Variants in STYXL1 observed in about 807,000 individuals in gnomAD.
The protein encoded by STYXL1 is serine/threonine/tyrosine interacting like 1.
STYXL1 carries 32 observed loss-of-function variants against 36.4 expected under a neutral mutation model. That is an observed-to-expected ratio of 0.88 (90% CI 0.66 to 1.18). The LOEUF (loss-of-function observed/expected upper bound fraction) is 1.18, where lower values mean the gene tolerates loss of function less well. Ranked by LOEUF, STYXL1 falls within the 50% of genes most tolerant of loss-of-function variation. The pLI, the probability that STYXL1 is intolerant of heterozygous loss-of-function variation, is 0.00. For missense variants in STYXL1, 354 were observed against 394.1 expected, an observed-to-expected ratio of 0.90 and a Z score of 0.86; for synonymous variants, 133 against 144.1, an observed-to-expected ratio of 0.92 and a Z score of 0.55.
At chr7:76,024,755 C>T (rs1794474275) in intron 3 of STYXL1, among the ~76,000 whole-genome samples, 1 of 151,960 alleles carries the variant, frequency 6.6e-6, no homozygotes, top group Admixed American at 6.6e-5. Flanking sequence ...TTGAGACCAG[C>T]CTGACCAATA....
At chr7:76,041,967 G>A (rs1796511860) in intron 1 of STYXL1, among the ~76,000 whole-genome samples, 1 of 152,208 alleles carries the variant, frequency 6.6e-6, no homozygotes, top group Non-Finnish European at 1.5e-5. Context: ...GAACACTTGA[G>A]ACCTATATAC....
At chr7:76,038,508 C>G (rs1796158756) in intron 1 of STYXL1, among the ~76,000 whole-genome samples, 1 of 150,750 alleles carries the variant, frequency 6.6e-6, no homozygotes. Flanking sequence ...TCACTGCGAG[C>G]TCTGCCTCCT....
At chr7:76,011,407 C>A (rs1331130823) in intron 5 of STYXL1, among the ~76,000 whole-genome samples, 2 of 152,200 alleles carry the variant, frequency 1.3e-5, no homozygotes, top group Admixed American at 6.5e-5. Flanking sequence ...ATAACCATAA[C>A]AATGTCACTA....
At chr7:76,018,946 T>G (rs145704775) in intron 4 of STYXL1, among the ~76,000 whole-genome samples, 5 of 152,222 alleles carry the variant, frequency 3.3e-5, no homozygotes, top group Non-Finnish European at 5.9e-5. Context: ...GTTCGCAGTG[T>G]ATGAGGCTTC....
At chr7:76,011,279 C>T (rs1237201074) in intron 5 of STYXL1, among the ~76,000 whole-genome samples, 1 of 152,172 alleles carries the variant, frequency 6.6e-6, no homozygotes, top group Non-Finnish European at 1.5e-5. Context: ...TTCCTCTATA[C>T]CCTCACTGCC....
chr7:76,025,891 T>C (rs1794644220), intron 3 of STYXL1, among the ~76,000 whole-genome samples: 1 of 151,678 alleles, frequency 6.6e-6, no homozygotes, highest in South Asian at 2.1e-4. Context: ...TTGAGTTATG[T>C]GCAGAAAAAG....
Position 76,035,522 on chromosome 7 carries a change from T to A in STYXL1, c.-4-4995A>T, listed in dbSNP as rs1795828317. 6.0e-5 allele frequency among the ~76,000 whole-genome samples: 9 copies of A among 149,924 alleles called. 3 individuals carry two copies. In the South Asian group the frequency reaches 2.0e-3, roughly 33 times the overall value. ...ATTATTGTCAGTTACCATTATGGCC[T>A]TTCCCAACACCGCCATCTGGACCTG... On this transcript the variant is annotated intron_variant, in intron 1 of 8. Transcript: ENST00000359697.
intron 1 of STYXL1, among the ~76,000 whole-genome samples, chr7:76,034,279 A>T (rs1206746344): frequency 6.7e-6 from 1 of 148,268 alleles, no homozygotes; most frequent in African/African-American, 2.4e-5. Context: ...ATTTTTTTTT[A>T]AGAGATGGGG....
chr7:76,035,299 G>A (rs546494300), intron 1 of STYXL1, among the ~76,000 whole-genome samples: 5 of 152,120 alleles, frequency 3.3e-5, no homozygotes, highest in Admixed American at 1.3e-4. Flanking sequence ...ATAATAGTCC[G>A]GGAAATCTTT....
intron 1 of STYXL1, among the ~76,000 whole-genome samples, chr7:76,042,875 G>C (rs1002764013): frequency 6.6e-6 from 1 of 152,120 alleles, no homozygotes; most frequent in African/African-American, 2.4e-5. Context: ...AATGAAACCA[G>C]AAGCCAGCCC....
intron 5 of STYXL1, among the ~76,000 whole-genome samples, chr7:76,006,271 TCTCA>T (rs1455844259): frequency 6.6e-6 from 1 of 151,934 alleles, no homozygotes; most frequent in Non-Finnish European, 1.5e-5. Flanking sequence ...AGAGATGGGG[TCTCA>T]CTATGTTGCC....
intron 4 of STYXL1, among the ~76,000 whole-genome samples, chr7:76,017,444 G>C (rs1026077516): frequency 6.6e-6 from 1 of 152,014 alleles, no homozygotes; most frequent in Admixed American, 6.6e-5. Context: ...CATCCTAAAC[G>C]AACTAACACA....
chr7:76,020,180 C>T lies in STYXL1; in HGVS notation c.307+1671G>A, dbSNP rs139040238. 9.3e-4 allele frequency among the ~76,000 whole-genome samples: 142 copies of T among 152,248 alleles called. 2 individuals are homozygous for T. In the East Asian group the frequency reaches 0.024, roughly 26 times the overall value. ...AGGGTTTCAAGGCCTAGCCTACAGT[C>T]CTAGGATTGCAGACCAGAGCCCAAC... On this transcript the variant is annotated intron_variant, in intron 4 of 8. Coordinates refer to ENST00000359697, the MANE Select transcript of STYXL1 (RefSeq NM_001317785.2).
chr7:76,037,019 C>T (rs1795974678), intron 1 of STYXL1, among the ~76,000 whole-genome samples: 1 of 149,460 alleles, frequency 6.7e-6, no homozygotes, highest in Non-Finnish European at 1.5e-5. Flanking sequence ...CTCCTGACCT[C>T]GTGATCCGCC....
chr7:76,016,117 TAC>T (rs1233313321), intron 4 of STYXL1, among the ~76,000 whole-genome samples: 2 of 152,032 alleles, frequency 1.3e-5, no homozygotes, highest in African/African-American at 2.4e-5. Context: ...CGCATATATA[TAC>T]ACACACATAT....
At chr7:76,046,274 CTGTG>C (rs782245806) in intron 1 of STYXL1, among the ~76,000 whole-genome samples, 144 of 103,094 alleles carry the variant, frequency 1.4e-3, no homozygotes, top group African/African-American at 4.2e-3. Flanking sequence ...AGCTTATCTG[CTGTG>C]TGTGTGTGTG....
At chr7:76,035,820 G>A (rs1795856264) in intron 1 of STYXL1, among the ~76,000 whole-genome samples, 1 of 149,768 alleles carries the variant, frequency 6.7e-6, no homozygotes, top group Non-Finnish European at 1.5e-5. Context: ...ACTAGCCAAA[G>A]AATCATCTCT....
intron 4 of STYXL1, 146 bp downstream of exon 4, chr7:76,021,705 A>C (rs1015893644): frequency 2.2e-5 from 15 of 692,828 alleles, no homozygotes; most frequent in Non-Finnish European, 2.6e-5. Flanking sequence ...TCCAGTGATC[A>C]TGAAGCTCTT....
At position 76,037,872 on chromosome 7, in the gene STYXL1, G is replaced by C. The variant is rs1796075223; in HGVS notation, c.-4-7345C>G. 1.3e-5 allele frequency among the ~76,000 whole-genome samples: 2 copies of C among 150,012 alleles called. 1 individual carries two copies. Among genetic ancestry groups the C allele is most frequent in the African/African-American group, 4.9e-5 (2 of 41,050 alleles). Reference sequence around the variant, plus strand: ...CACAGCCAATCCCCACCGCTGTTCTGGTTCGCGGTGGGAAGCTCAGGCTGT... The same window carrying C: ...CACAGCCAATCCCCACCGCTGTTCTCGTTCGCGGTGGGAAGCTCAGGCTGT... On this transcript the variant is annotated intron_variant, in intron 1 of 8. Transcript: ENST00000359697.
Sources: gnomAD v4.1 joint callset for allele counts (sites outside exome capture counted in the v4.1 genomes callset) on GRCh38, gnomAD v4.1.1 for gene constraint, MANE v1.5 for transcripts, NCBI Gene and HGNC (gene_info 2026-07-23, HGNC 2026-07-21) for gene names.